Variants in RNF220 observed in about 807,000 individuals in gnomAD.
RNF220 encodes the protein E3 ubiquitin-protein ligase RNF220.
A neutral mutation model predicts 67.1 loss-of-function variants in RNF220; 7 were observed. The ratio of observed to expected loss-of-function variants is 0.10; its 90% CI spans 0.06 to 0.20. The LOEUF (loss-of-function observed/expected upper bound fraction) is 0.20, where lower values mean the gene tolerates loss of function less well. Ranked by LOEUF, RNF220 falls within the 10% of genes least tolerant of loss-of-function variation. RNF220 has a pLI of 1.00. For missense variants in RNF220, 565 were observed against 740.3 expected, an observed-to-expected ratio of 0.76 and a Z score of 2.75; for synonymous variants, 270 against 283.2, an observed-to-expected ratio of 0.95 and a Z score of 0.47.
At chr1:44,528,614 CTTTTTT>C (rs71036683) in intron 2 of RNF220, among the ~76,000 whole-genome samples, 6 of 131,970 alleles carry the variant, frequency 4.5e-5, no homozygotes. Flanking sequence ...AAATTGGCAA[CTTTTTT>C]TTTTTTTTTT....
chr1:44,631,872 CGA>C, intron 5 of RNF220: 1 of 980,382 alleles, frequency 1.0e-6, no homozygotes, highest in Non-Finnish European at 1.2e-6. Context: ...GGTTGCTACC[CGA>C]GTACAAACGG....
chr1:44,451,645 G>A (rs1471236374), intron 2 of RNF220, among the ~76,000 whole-genome samples: 4 of 151,322 alleles, frequency 2.6e-5, no homozygotes, highest in East Asian at 1.9e-4. Context: ...TTTTTGAGAC[G>A]GAGTCTGGCT....
chr1:44,641,654 A>G (rs1367573701), intron 8 of RNF220, among the ~76,000 whole-genome samples: 4 of 152,254 alleles, frequency 2.6e-5, no homozygotes, highest in African/African-American at 7.2e-5. Flanking sequence ...TTCTGCCAGA[A>G]GTCAGCAAGT....
intron 2 of RNF220, among the ~76,000 whole-genome samples, chr1:44,432,077 A>G (rs1310722706): frequency 6.6e-6 from 1 of 152,060 alleles, no homozygotes; most frequent in Non-Finnish European, 1.5e-5. Context: ...CTTCTGCGAC[A>G]TTATACTCCT....
intron 2 of RNF220, among the ~76,000 whole-genome samples, chr1:44,610,955 T>A (rs1643273512): frequency 2.0e-5 from 3 of 152,150 alleles, no homozygotes; most frequent in African/African-American, 7.2e-5. Flanking sequence ...GTCAAAAGCT[T>A]CAGGGAGCTG....
intron 2 of RNF220, among the ~76,000 whole-genome samples, chr1:44,506,854 A>G (rs1420032566): frequency 6.6e-6 from 1 of 152,168 alleles, no homozygotes; most frequent in Non-Finnish European, 1.5e-5. Flanking sequence ...TCCCTGCCTT[A>G]TGGGATTATT....
chr1:44,519,031 C>T (rs1218728539), intron 2 of RNF220, among the ~76,000 whole-genome samples: 2 of 151,338 alleles, frequency 1.3e-5, no homozygotes, highest in Non-Finnish European at 2.9e-5. Flanking sequence ...ATGAGAAACT[C>T]ACAGGTTTCT....
chr1:44,513,089 T>C (rs1659156429), intron 2 of RNF220, among the ~76,000 whole-genome samples: 1 of 152,150 alleles, frequency 6.6e-6, no homozygotes, highest in African/African-American at 2.4e-5. Context: ...CTTAAGGGAT[T>C]TGGAGTCCAG....
rs898652283 is a variant in RNF220, at chr1:44,405,296, T to C, written c.-352T>C. 2 of 449,654 alleles carry C rather than the reference T, an allele frequency of 4.4e-6. No homozygotes were observed. Among genetic ancestry groups the C allele is most frequent in the Non-Finnish European group, 7.9e-6 (2 of 253,230 alleles). 27.9% of individuals were successfully genotyped at this position (449,654 alleles called of 1,614,324 possible). A position where few individuals can be genotyped will look rare whatever the true frequency, so the allele number is the denominator to read the frequency against. ...CAGCGCTGAGAGGCAGCACTGCTCC[T>C]TCTCTCACGCCAACTGAGTCTCTTG... On this transcript the variant is annotated 5_prime_UTR_variant, in exon 1 of 15. Transcript: ENST00000361799.
In RNF220 at chr1:44,412,176, G is replaced by T; in HGVS notation, c.79G>T (p.Val27Phe). 1 of 1,614,144 alleles carries T rather than the reference G, an allele frequency of 6.2e-7. No individual in the cohort carries two copies. Among genetic ancestry groups the T allele is most frequent in the Non-Finnish European group, 8.5e-7 (1 of 1,180,020 alleles). Residue 27 changes from valine (V) to phenylalanine (F), a missense_variant, in exon 2 of 15, where the codon GTC (valine) becomes TTC (phenylalanine). By Grantham distance (50) the Val-to-Phe change is conservative (BLOSUM62 -1). Transcript: ENST00000361799. The surrounding 1 kb of genome is among the most constrained non-coding windows in gnomAD (Gnocchi z 5.3). ...CCCTCTGGCATCCCCAGCACTGATG[G>T]TCCTGGCATCCACGGCTGAGGCCAG... is the stretch of plus-strand genomic sequence containing the variant. ...PNPLASPALM[V>F]LASTAEASRD...
intron 2 of RNF220, among the ~76,000 whole-genome samples, chr1:44,487,227 T>C (rs1256099765): frequency 6.6e-6 from 1 of 151,806 alleles, no homozygotes; most frequent in African/African-American, 2.4e-5. Context: ...CTCAGCTACT[T>C]GAGGGGCTGA....
Position 44,521,363 on chromosome 1 carries a change from C to A in RNF220, c.626-92802C>A, listed in dbSNP as rs536317035. Reference sequence around the variant, plus strand: ...AAGCAGGAAACCAGGGAGACACATTCTTTGCCGTCATGGAGTTTACACATG... The same window carrying A: ...AAGCAGGAAACCAGGGAGACACATTATTTGCCGTCATGGAGTTTACACATG... On this transcript the variant is annotated intron_variant, in intron 2 of 14. Transcript: ENST00000361799. Among the ~76,000 whole-genome samples, 8 of 152,364 alleles carry A rather than the reference C, an allele frequency of 5.3e-5. No individual in the cohort carries two copies. The South Asian group carries it at 8.3e-4, about 16-fold the overall frequency.
chr1:44,484,093 C>G (rs761257573), intron 2 of RNF220, among the ~76,000 whole-genome samples: 1 of 152,048 alleles, frequency 6.6e-6, no homozygotes, highest in Non-Finnish European at 1.5e-5. Context: ...GAGGTGGGGT[C>G]GAGGCATCTC....
At chr1:44,552,566 CTTTTTTTTTTTT>C (rs57847805) in intron 2 of RNF220, among the ~76,000 whole-genome samples, 1 of 83,734 alleles carries the variant, frequency 1.2e-5, no homozygotes, top group African/African-American at 5.1e-5. Flanking sequence ...TAAACTTCTT[CTTTTTTTTTTTT>C]TTTTTTTTTT....
In RNF220 at chr1:44,412,473, A is replaced by G. The variant is rs774535438; in HGVS notation, c.376A>G (p.Thr126Ala). The G allele has an allele frequency of 3.1e-6, 5 of 1,611,210 alleles. No individual in the cohort carries two copies. In the African/African-American group the frequency reaches 6.7e-5, roughly 22 times the overall value. Reference protein sequence around the residue: ...GVGAFRPFASTEDRESYQSAF... With the variant: ...GVGAFRPFASAEDRESYQSAF... ...GGGGGCTTTCCGGCCCTTTGCCTCC[A>G]CCGAGGACCGGGAGAGCTATCAGTC... Residue 126 changes from threonine (T) to alanine (A), a missense_variant, in exon 2 of 15, where the codon ACC (threonine) becomes GCC (alanine). Physicochemically the swap from Thr to Ala is moderately conservative, Grantham distance 58 (BLOSUM62 0). Coordinates refer to ENST00000361799, the MANE Select transcript of RNF220 (RefSeq NM_018150.4). The surrounding 1 kb of genome is among the most constrained non-coding windows in gnomAD (Gnocchi z 5.3).
In RNF220 at chr1:44,477,359, C is replaced by T. The variant is rs150895156; in HGVS notation, c.625+64637C>T. Reference sequence around the variant, plus strand: ...TGCGGATGAATGCTGTGAAATAAATCGCACAACTATCTAGAATAATAGGGT... The same window carrying T: ...TGCGGATGAATGCTGTGAAATAAATTGCACAACTATCTAGAATAATAGGGT... On this transcript the variant is annotated intron_variant, in intron 2 of 14. Transcript: ENST00000361799. 4.0e-3 allele frequency among the ~76,000 whole-genome samples: 616 copies of T among 152,248 alleles called. 7 individuals are homozygous for T. Among genetic ancestry groups the T allele is most frequent in the African/African-American group, 0.014 (582 of 41,554 alleles).
chr1:44,413,378 C>T (rs537466991), intron 2 of RNF220, among the ~76,000 whole-genome samples: 4 of 152,188 alleles, frequency 2.6e-5, no homozygotes, highest in East Asian at 1.9e-4. Context: ...GGACTAGACA[C>T]GGTTGACCTG....
chr1:44,509,602 C>T (rs1449023456), intron 2 of RNF220, among the ~76,000 whole-genome samples: 1 of 149,814 alleles, frequency 6.7e-6, no homozygotes, highest in Admixed American at 6.6e-5. Context: ...AGAAAATACG[C>T]ATAGGCTGGG....
At chr1:44,511,721 A>G (rs985940596) in intron 2 of RNF220, among the ~76,000 whole-genome samples, 17 of 152,352 alleles carry the variant, frequency 1.1e-4, no homozygotes, top group African/African-American at 4.1e-4. Flanking sequence ...ACTTATAATT[A>G]TGTCTGGAAA....
Sources: allele counts gnomAD v4.1 joint callset (sites outside exome capture counted in the v4.1 genomes callset), GRCh38; gene constraint gnomAD v4.1.1; non-coding constraint Gnocchi (gnomAD v3.1); transcripts MANE v1.5; gene names NCBI Gene and HGNC (gene_info 2026-07-23, HGNC 2026-07-21).